The following KIF6 variants were observed in gnomAD, a reference collection of about 807,000 sequenced individuals.
The protein encoded by KIF6 is kinesin family member 6, also known as kinesin-like protein KIF6.
KIF6 carries 106 observed loss-of-function variants against 112.7 expected under a neutral mutation model. The observed-to-expected ratio is 0.94, with a 90% CI of 0.80 to 1.11. The LOEUF (loss-of-function observed/expected upper bound fraction) is 1.11. KIF6 is among the 50% of genes least tolerant of loss of function. The pLI, the probability that KIF6 is intolerant of heterozygous loss-of-function variation, is 0.00. For missense variants in KIF6, 929 were observed against 964.0 expected, an observed-to-expected ratio of 0.96 and a Z score of 0.48; for synonymous variants, 339 against 339.9, an observed-to-expected ratio of 1.00 and a Z score of 0.03.
At chr6:39,578,267 A>C in intron 9 of KIF6, 108 bp from the exon 10 acceptor site, 1 of 710,818 alleles carries the variant, frequency 1.4e-6, no homozygotes. Context: ...GGACACAAAA[A>C]TGGGTAATGG....
At position 39,369,960 on chromosome 6, in the gene KIF6, G is replaced by A. The variant is rs191711860; in HGVS notation, c.1862-7442C>T. On this transcript the variant is annotated intron_variant, in intron 16 of 22. Transcript: ENST00000287152. Reference sequence around the variant, plus strand: ...GTGATTTCTGGGTCTGACCCACAAGGTTCCCCTTTTTCCCTGGTGCACAGC... The same window carrying A: ...GTGATTTCTGGGTCTGACCCACAAGATTCCCCTTTTTCCCTGGTGCACAGC... Among the ~76,000 whole-genome samples, 16 of 152,286 alleles carry A rather than the reference G, an allele frequency of 1.1e-4. No homozygotes were observed. In the East Asian group the frequency reaches 2.7e-3, roughly 26 times the overall value.
intron 5 of KIF6, among the ~76,000 whole-genome samples, chr6:39,626,348 G>A (rs897486536): frequency 2.6e-5 from 4 of 152,150 alleles, no homozygotes; most frequent in Non-Finnish European, 5.9e-5. Context: ...ACTGACACAA[G>A]TGGCTCCAGA....
At chr6:39,464,063 G>A (rs564988765) in intron 13 of KIF6, among the ~76,000 whole-genome samples, 20 of 152,212 alleles carry the variant, frequency 1.3e-4, no homozygotes, top group African/African-American at 4.6e-4. Context: ...TGTGTGTTAT[G>A]GTCTGATAGA....
intron 13 of KIF6, among the ~76,000 whole-genome samples, chr6:39,512,580 T>A (rs1024627904): frequency 1.3e-5 from 2 of 152,206 alleles, no homozygotes; most frequent in African/African-American, 4.8e-5. Flanking sequence ...TGTCTCTCTG[T>A]CACAGTCTTT....
chr6:39,385,134 G>C lies in KIF6; in HGVS notation c.1861+488C>G, dbSNP rs373185718. ...AACACTCACTGGCTACATGACCTTG[G>C]GAAGGCACTGCATCTCCCCCATCTG... On this transcript the variant is annotated intron_variant, in intron 16 of 22. Transcript: ENST00000287152. Among the ~76,000 whole-genome samples, 8 of 152,330 alleles carry C rather than the reference G, an allele frequency of 5.3e-5. No individual in the cohort carries two copies. In the East Asian group the frequency reaches 1.3e-3, roughly 26 times the overall value.
chr6:39,523,098 T>G (rs2150528518), intron 13 of KIF6, among the ~76,000 whole-genome samples: 1 of 152,324 alleles, frequency 6.6e-6, no homozygotes, highest in Admixed American at 6.5e-5. Flanking sequence ...CCAAACCTAC[T>G]TTTCTTGGAA....
intron 6 of KIF6, among the ~76,000 whole-genome samples, chr6:39,610,452 C>G (rs1435500319): frequency 6.6e-6 from 1 of 152,148 alleles, no homozygotes; most frequent in Non-Finnish European, 1.5e-5. Flanking sequence ...TTCTGGTTAC[C>G]AAGGCAACTT....
intron 13 of KIF6, among the ~76,000 whole-genome samples, chr6:39,501,778 G>A (rs745441387): frequency 6.6e-6 from 1 of 152,062 alleles, no homozygotes; most frequent in East Asian, 1.9e-4. Context: ...GACAAGAATG[G>A]AGAAAAAAAG....
intron 13 of KIF6, among the ~76,000 whole-genome samples, chr6:39,472,577 A>AAACCAT (rs1371232002): frequency 6.6e-6 from 1 of 152,106 alleles, no homozygotes; most frequent in Non-Finnish European, 1.5e-5. Flanking sequence ...ACCAAAACCA[A>AAACCAT]CAATAACACC....
chr6:39,380,568 C>T (rs531091396), intron 16 of KIF6, among the ~76,000 whole-genome samples: 16 of 152,156 alleles, frequency 1.1e-4, no homozygotes, highest in African/African-American at 3.6e-4. Flanking sequence ...CACACACACA[C>T]GCACACACCC....
intron 3 of KIF6, among the ~76,000 whole-genome samples, chr6:39,666,845 T>C (rs181899006): frequency 1.1e-4 from 16 of 152,344 alleles, no homozygotes; most frequent in Admixed American, 3.9e-4. Context: ...GAAGGGGGAT[T>C]GTGGCCTACA....
intron 10 of KIF6, among the ~76,000 whole-genome samples, chr6:39,572,064 T>C (rs1261290113): frequency 6.6e-6 from 1 of 152,164 alleles, no homozygotes; most frequent in Non-Finnish European, 1.5e-5. Flanking sequence ...GTATTAACCA[T>C]ATGTAATAAA....
At chr6:39,469,479 A>G (rs911605375) in intron 13 of KIF6, among the ~76,000 whole-genome samples, 2 of 152,152 alleles carry the variant, frequency 1.3e-5, no homozygotes, top group Non-Finnish European at 2.9e-5. Flanking sequence ...TATCATGAAA[A>G]CAGTAACCAT....
chr6:39,360,662 C>A (rs1340533640), intron 17 of KIF6, 132 bp from the exon 18 acceptor site: 10 of 970,500 alleles, frequency 1.0e-5, no homozygotes, highest in Non-Finnish European at 1.5e-5. Flanking sequence ...GACTGGGACC[C>A]TATAGGAGCT....
At chr6:39,691,776 G>A (rs1296375564) in intron 3 of KIF6, 2 of 152,150 alleles carry the variant, frequency 1.3e-5, no homozygotes, top group Non-Finnish European at 2.9e-5. Context: ...TCACTTTGGC[G>A]GAAAAATACT....
At chr6:39,453,345 G>A (rs1772826947) in intron 13 of KIF6, among the ~76,000 whole-genome samples, 1 of 152,212 alleles carries the variant, frequency 6.6e-6, no homozygotes, top group South Asian at 2.1e-4. Context: ...GAAAGGCAAT[G>A]TCGTCCGAGT....
chr6:39,575,865 T>A (rs1262007892), intron 10 of KIF6, among the ~76,000 whole-genome samples: 1 of 152,216 alleles, frequency 6.6e-6, no homozygotes, highest in Non-Finnish European at 1.5e-5. Context: ...CCTTTACTCT[T>A]GTCCATCTCA....
chr6:39,489,769 T>G (rs1303687443), intron 13 of KIF6, among the ~76,000 whole-genome samples: 1 of 152,190 alleles, frequency 6.6e-6, no homozygotes. Context: ...GATACAAACC[T>G]ACAGGCTCAA....
At chr6:39,408,345 G>C (rs919114258) in intron 15 of KIF6, among the ~76,000 whole-genome samples, 6 of 152,240 alleles carry the variant, frequency 3.9e-5, no homozygotes, top group Admixed American at 1.3e-4. Flanking sequence ...CACGTATACT[G>C]TTGCTCCCCC....
Sources: gnomAD v4.1 joint callset for allele counts (sites outside exome capture counted in the v4.1 genomes callset) on GRCh38, gnomAD v4.1.1 for gene constraint, MANE v1.5 for transcripts, NCBI Gene and HGNC (gene_info 2026-07-23, HGNC 2026-07-21) for gene names.